KIF16B: variants seen among roughly 807,000 people sequenced by gnomAD.
KIF16B encodes the protein kinesin-like protein KIF16B.
A neutral mutation model predicts 156.3 loss-of-function variants in KIF16B; 98 were observed. That is an observed-to-expected ratio of 0.63 (90% CI 0.53 to 0.74). The LOEUF (loss-of-function observed/expected upper bound fraction) is 0.74. KIF16B is among the 30% of genes least tolerant of loss of function. The pLI is 0.00. For missense variants in KIF16B, 1,421 were observed against 1,606.5 expected, an observed-to-expected ratio of 0.88 and a Z score of 1.97; for synonymous variants, 564 against 583.7, an observed-to-expected ratio of 0.97 and a Z score of 0.49.
At chr20:16,312,271 A>G in intron 25 of KIF16B, 64 bp downstream of exon 25, 1 of 1,212,410 alleles carries the variant, frequency 8.2e-7, no homozygotes, top group Non-Finnish European at 1.2e-6. Flanking sequence ...AACAGAAACA[A>G]TTCTTACCGG....
At chr20:16,391,858 C>G (rs1454932335) in intron 17 of KIF16B, among the ~76,000 whole-genome samples, 1 of 152,112 alleles carries the variant, frequency 6.6e-6, no homozygotes, top group Non-Finnish European at 1.5e-5. Flanking sequence ...ACCTGGCTGA[C>G]CATGTATCCT....
intron 3 of KIF16B, among the ~76,000 whole-genome samples, chr20:16,524,077 GA>G (rs2069447375): frequency 6.6e-6 from 1 of 152,104 alleles, no homozygotes. Context: ...AACCATAGAA[GA>G]AAACCTAGGC....
chr20:16,451,229 C>T (rs1193243427), intron 12 of KIF16B, among the ~76,000 whole-genome samples: 1 of 152,130 alleles, frequency 6.6e-6, no homozygotes, highest in East Asian at 1.9e-4. Context: ...ATTGTAACTT[C>T]CTTATTTGGC....
At position 16,494,427 on chromosome 20, in the gene KIF16B, A is replaced by G; in HGVS notation, c.1243-77T>C. ...TTTCTTCTAGTTTCCGAACTCTAAT[A>G]TCTCATGGAAAGATGTACTATAATT... On this transcript the variant is annotated intron_variant, in intron 11 of 25. Transcript: ENST00000354981. 6 of 873,386 alleles carry G rather than the reference A, an allele frequency of 6.9e-6. No homozygotes were observed. The East Asian group carries it at 1.1e-4, about 15-fold the overall frequency. The allele number at this position is 873,386 out of a possible 1,614,324, so 54.1% of individuals were successfully genotyped here. A position where few individuals can be genotyped will look rare whatever the true frequency, so the allele number is the denominator to read the frequency against.
At chr20:16,328,234 T>G (rs2063890246) in intron 24 of KIF16B, among the ~76,000 whole-genome samples, 1 of 152,194 alleles carries the variant, frequency 6.6e-6, no homozygotes, top group South Asian at 2.1e-4. Context: ...ACAGCAATTT[T>G]CCATTTTTAT....
chr20:16,412,133 C>T (rs1234161124), intron 15 of KIF16B, among the ~76,000 whole-genome samples: 2 of 151,832 alleles, frequency 1.3e-5, no homozygotes, highest in African/African-American at 4.8e-5. Context: ...GAGAAGAGAC[C>T]ATGAGAGAGG....
At chr20:16,422,987 T>C (rs2146388847) in intron 15 of KIF16B, among the ~76,000 whole-genome samples, 1 of 152,106 alleles carries the variant, frequency 6.6e-6, no homozygotes, top group South Asian at 2.1e-4. Flanking sequence ...ATAATAAACA[T>C]CAAAACTGTG....
At chr20:16,413,703 C>A (rs1261492645) in intron 15 of KIF16B, among the ~76,000 whole-genome samples, 1 of 151,486 alleles carries the variant, frequency 6.6e-6, no homozygotes, top group Non-Finnish European at 1.5e-5. Flanking sequence ...AGAAACACCC[C>A]CTGCCCCCCA....
chr20:16,513,866 C>CTA (rs1251538058), intron 4 of KIF16B, among the ~76,000 whole-genome samples: 2 of 151,994 alleles, frequency 1.3e-5, no homozygotes, highest in Admixed American at 6.6e-5. Flanking sequence ...AATGATCTTG[C>CTA]TAGGAAACCA....
chr20:16,381,833 A>G (rs949607427), intron 17 of KIF16B, 86 bp from the exon 18 acceptor site: 10 of 1,100,110 alleles, frequency 9.1e-6, no homozygotes, highest in Non-Finnish European at 1.2e-5. Context: ...TCACATATTA[A>G]AAAGGGCATC....
intron 1 of KIF16B, among the ~76,000 whole-genome samples, chr20:16,544,483 T>C (rs1480176195): frequency 1.3e-5 from 2 of 151,678 alleles, no homozygotes; most frequent in Non-Finnish European, 2.9e-5. Context: ...GGCAGGTGTC[T>C]ATAATCCCAG....
chr20:16,403,742 A>T (rs1176714172), intron 17 of KIF16B, among the ~76,000 whole-genome samples: 1 of 152,226 alleles, frequency 6.6e-6, no homozygotes, highest in Non-Finnish European at 1.5e-5. Flanking sequence ...CTCCTATGAC[A>T]CTGAAGAAAT....
chr20:16,468,561 G>A (rs1407032247), intron 12 of KIF16B, among the ~76,000 whole-genome samples: 3 of 111,152 alleles, frequency 2.7e-5, no homozygotes, highest in Admixed American at 1.2e-4. Context: ...GGGTGACAGA[G>A]CAAGACTCCG....
rs1481170194 is a variant in KIF16B at position 16,528,382 on chromosome 20, T to A, written c.106A>T (p.Thr36Ser). Residue 36 changes from threonine to serine, a missense_variant, in exon 2 of 26, where the codon ACA becomes TCA. By Grantham distance (58) the Thr-to-Ser change is moderately conservative. Transcript: ENST00000354981. ...IQMEKSKTTITNLKIPEGGTG... is the reference protein window; with the variant it reads ...IQMEKSKTTISNLKIPEGGTG... ...AGGTCATGACTTGCCTTTAAGTTTG[T>A]GATTGTCGTTTTGCTTTTCTCCATC... 3.1e-6 allele frequency: 5 copies of A among 1,613,964 alleles called. No individual in the cohort carries two copies. Among genetic ancestry groups the A allele is most frequent in the Non-Finnish European group, 4.2e-6 (5 of 1,179,818 alleles).
intron 1 of KIF16B, among the ~76,000 whole-genome samples, chr20:16,534,849 T>C (rs2069896675): frequency 6.6e-6 from 1 of 152,190 alleles, no homozygotes; most frequent in African/African-American, 2.4e-5. Context: ...GCTCCATTGG[T>C]CCATGTGTCT....
At chr20:16,419,220 T>C (rs1049517814) in intron 15 of KIF16B, among the ~76,000 whole-genome samples, 4 of 152,096 alleles carry the variant, frequency 2.6e-5, no homozygotes, top group Non-Finnish European at 5.9e-5. Flanking sequence ...TCAGCCCATA[T>C]ACAAGTGACA....
At chr20:16,367,569 T>C (rs2064703321) in intron 22 of KIF16B, 2 of 1,612,798 alleles carry the variant, frequency 1.2e-6, no homozygotes, top group African/African-American at 2.7e-5. Flanking sequence ...TGACTTTCAC[T>C]GTTGTGTAGA....
At chr20:16,478,031 T>C (rs2067868178) in intron 12 of KIF16B, among the ~76,000 whole-genome samples, 2 of 152,052 alleles carry the variant, frequency 1.3e-5, no homozygotes, top group South Asian at 4.1e-4. Flanking sequence ...GTGGTGACTG[T>C]GTGAGTGACA....
intron 12 of KIF16B, among the ~76,000 whole-genome samples, chr20:16,483,063 G>C (rs73241909): frequency 0.02 from 2,995 of 152,256 alleles, 102 homozygotes; most frequent in African/African-American, 0.069. Flanking sequence ...CCATTCAATG[G>C]AGAGCTCAAA....
Sources: gnomAD v4.1 joint callset for allele counts (sites outside exome capture counted in the v4.1 genomes callset) on GRCh38, gnomAD v4.1.1 for gene constraint, MANE v1.5 for transcripts, NCBI Gene and HGNC (gene_info 2026-07-23, HGNC 2026-07-21) for gene names.